The following TIMP4 variants were observed in gnomAD, a reference collection of about 807,000 sequenced individuals.
The protein encoded by TIMP4 is TIMP metallopeptidase inhibitor 4.
TIMP4 carries 28 observed loss-of-function variants against 27.3 expected under a neutral mutation model. The observed-to-expected ratio is 1.03, with a 90% CI of 0.76 to 1.41. The LOEUF (loss-of-function observed/expected upper bound fraction) is 1.41, where lower values mean the gene tolerates loss of function less well. Ranked by LOEUF, TIMP4 falls within the 40% of genes most tolerant of loss-of-function variation. The pLI, the probability that TIMP4 is intolerant of heterozygous loss-of-function variation, is 0.00. For missense variants in TIMP4, 307 were observed against 285.5 expected (o/e 1.08, Z -0.54); for synonymous variants, 138 against 115.5 (o/e 1.20, Z -1.25).
In TIMP4 at chr3:12,153,837, C is replaced by A. The variant is rs900471748; in HGVS notation, c.478-125G>T. The A allele has an allele frequency of 1.1e-5, 11 of 1,013,132 alleles. No individual in the cohort carries two copies. The African/African-American group carries it at 1.6e-4, about 15-fold the overall frequency. 62.8% of individuals were successfully genotyped at this position (1,013,132 alleles called of 1,614,324 possible). A position where few individuals can be genotyped will look rare whatever the true frequency, so the allele number is the denominator to read the frequency against. On this transcript the variant is annotated intron_variant, in intron 4 of 4. Transcript: ENST00000287814. ...GCCCCCTATCTTATCAAGCCTTTCC[C>A]AGTCCCCAGTCTTCTCCTGGATTCT...
Position 12,158,579 on chromosome 3 carries a change from C to T in TIMP4, c.139+123G>A, listed in dbSNP as rs185291935. ...GTCCTTCTCCACCCATCAGCCTCAG[C>T]AAGAGACAACCGGTAAGAATTTGAG... is the stretch of plus-strand genomic sequence containing the variant. On this transcript the variant is annotated intron_variant, in intron 1 of 4. Coordinates refer to ENST00000287814, the MANE Select transcript of TIMP4 (RefSeq NM_003256.4). The T allele has an allele frequency of 8.0e-4, 1,162 of 1,444,818 alleles. 2 individuals are homozygous for T. Among genetic ancestry groups the T allele is most frequent in the Non-Finnish European group, 1.0e-3 (1,097 of 1,070,248 alleles). The allele number at this position is 1,444,818 out of a possible 1,614,324, so 89.5% of individuals were successfully genotyped here. A position where few individuals can be genotyped will look rare whatever the true frequency, so the allele number is the denominator to read the frequency against.
rs774982084 is a variant in TIMP4, at chr3:12,157,380, T to G, written c.237+5A>C. ...GGCTACACATCCCAGCCTGCCCCCA[T>G]GTACCTTTATCTGTTTGATTTCATA... is the stretch of plus-strand genomic sequence containing the variant. On this transcript the variant is annotated splice_donor_5th_base_variant and intron_variant, in intron 2 of 4. Transcript: ENST00000287814. The G allele has an allele frequency of 6.2e-7, 1 of 1,614,006 alleles. No homozygotes were observed. The highest frequency in any genetic ancestry group is 1.3e-5 in the African/African-American group (1 of 75,064).
In TIMP4 at chr3:12,153,721, A is replaced by G; in HGVS notation, c.478-9T>C. 6.2e-7 allele frequency: 1 copy of G among 1,614,124 alleles called. No individual in the cohort carries two copies. On this transcript the variant is annotated splice_polypyrimidine_tract_variant and intron_variant, in intron 4 of 4. Coordinates refer to ENST00000287814, the MANE Select transcript of TIMP4 (RefSeq NM_003256.4). Reference sequence around the variant, plus strand: ...GTGTAGCAGGTGGTGATCTAGAGTCATGGCCACACAACATTAAAGTGAGTA... The same window carrying G: ...GTGTAGCAGGTGGTGATCTAGAGTCGTGGCCACACAACATTAAAGTGAGTA...
chr3:12,154,476 C>G, intron 3 of TIMP4, 25 bp from the exon 4 acceptor site: 1 of 1,612,934 alleles, frequency 6.2e-7, no homozygotes, highest in Non-Finnish European at 8.5e-7. Flanking sequence ...GGAGGAGAGT[C>G]AAGCATCAGG....
At chr3:12,156,521 T>C (rs145776915) in intron 3 of TIMP4, among the ~76,000 whole-genome samples, 20 of 152,330 alleles carry the variant, frequency 1.3e-4, no homozygotes, top group Non-Finnish European at 2.1e-4. Context: ...AAAAATCTTA[T>C]ACTAATTTAA....
chr3:12,157,055 G>A lies in TIMP4; in HGVS notation c.238-121C>T, dbSNP rs1415349865. 9 of 710,002 alleles carry A rather than the reference G, an allele frequency of 1.3e-5. No individual in the cohort carries two copies. The East Asian group carries it at 1.4e-4, about 11-fold the overall frequency. 44.0% of individuals were successfully genotyped at this position (710,002 alleles called of 1,614,324 possible). The stretch of plus-strand genomic sequence containing the variant: ...AAGCAAAAGTCTAGTTGAGGATTTT[G>A]TGTCCTCAGATGTCCCTACTGGGTT... On this transcript the variant is annotated intron_variant, in intron 2 of 4. Coordinates refer to ENST00000287814, the MANE Select transcript of TIMP4 (RefSeq NM_003256.4).
chr3:12,153,357 G>T lies in TIMP4; in HGVS notation c.*158C>A. ...GCTGAGGGCAGGGCAGAAAAGTCAT[G>T]GCCCCTTCCCTGCCTTGACAGTGGC... On this transcript the variant is annotated 3_prime_UTR_variant, in exon 5 of 5. Coordinates refer to ENST00000287814, the MANE Select transcript of TIMP4 (RefSeq NM_003256.4). 1 of 827,282 alleles carries T rather than the reference G, an allele frequency of 1.2e-6. No individual in the cohort carries two copies. The highest frequency in any genetic ancestry group is 2.0e-6 in the Non-Finnish European group (1 of 506,966). The allele number at this position is 827,282 out of a possible 1,614,324, so 51.2% of individuals were successfully genotyped here.
At chr3:12,158,384 C>G (rs1054545345) in intron 1 of TIMP4, among the ~76,000 whole-genome samples, 4 of 152,158 alleles carry the variant, frequency 2.6e-5, no homozygotes, top group Admixed American at 6.5e-5. Flanking sequence ...TGTCCCCAGT[C>G]TAGTAGTTCA....
chr3:12,158,819 C>G lies in TIMP4; in HGVS notation c.22G>C (p.Ala8Pro), dbSNP rs143705137. 1 of 1,595,254 alleles carries G rather than the reference C, an allele frequency of 6.3e-7. No individual in the cohort carries two copies. The highest frequency in any genetic ancestry group is 2.2e-5 in the East Asian group (1 of 44,614). ...CGCAGCAACAGCACCCAGCTTGGCG[C>G]GGGCCGAGGGCTCCCAGGCATGACA... MPGSPRPAPSWVLLLRLL... is the reference protein window; with the variant it reads MPGSPRPPPSWVLLLRLL... The change falls in exon 1 of 5, where the codon GCG becomes CCG. Residue 8 changes from alanine (A) to proline (P), a missense_variant. Physicochemically the swap from Ala to Pro is conservative, Grantham distance 27. Coordinates refer to ENST00000287814, the MANE Select transcript of TIMP4 (RefSeq NM_003256.4).
chr3:12,157,060 C>A (rs73015375), intron 2 of TIMP4, 126 bp from the exon 3 acceptor site: 6 of 677,362 alleles, frequency 8.9e-6, no homozygotes, highest in Non-Finnish European at 1.0e-5. Flanking sequence ...ATTTTGTGTC[C>A]TCAGATGTCC....
At chr3:12,157,719 C>T (rs371580859) in intron 1 of TIMP4, among the ~76,000 whole-genome samples, 1 of 152,160 alleles carries the variant, frequency 6.6e-6, no homozygotes, top group Non-Finnish European at 1.5e-5. Context: ...CTGTTTCTGC[C>T]TTTTGAACCA....
At position 12,157,456 on chromosome 3, in the gene TIMP4, TC is replaced by T; in HGVS notation, c.165del (p.Lys56ArgfsTer2). The T allele has an allele frequency of 6.2e-7, 1 of 1,614,136 alleles. No individual in the cohort carries two copies. Among genetic ancestry groups the T allele is most frequent in the Non-Finnish European group, 8.5e-7 (1 of 1,180,016 alleles). The part of the protein sequence containing the change: ...ALVIRAKISS[E>X]KVVPASADPA... Reference sequence around the variant, plus strand: ...GGGTCTGCACTGGCCGGAACTACCTTCTCACTGGAGATTTTGGCCCGAATCA... The same window carrying T: ...GGGTCTGCACTGGCCGGAACTACCTTTCACTGGAGATTTTGGCCCGAATCA... On this transcript the variant is annotated frameshift_variant, in exon 2 of 5. Coordinates refer to ENST00000287814, the MANE Select transcript of TIMP4 (RefSeq NM_003256.4). LOFTEE classifies it high-confidence loss of function.
chr3:12,153,416 C>A lies in TIMP4; in HGVS notation c.*99G>T, dbSNP rs890057543. On this transcript the variant is annotated 3_prime_UTR_variant, in exon 5 of 5. Coordinates refer to ENST00000287814, the MANE Select transcript of TIMP4 (RefSeq NM_003256.4). ...CCACTTGGCACTTCTTATTAGCTGGCAGCAAGAGGTCAGGTGGTAATGGCC... is the reference window on the plus strand; with the variant it reads ...CCACTTGGCACTTCTTATTAGCTGGAAGCAAGAGGTCAGGTGGTAATGGCC... 33 of 1,373,268 alleles carry A rather than the reference C, an allele frequency of 2.4e-5. No homozygotes were observed. Among genetic ancestry groups the A allele is most frequent in the Non-Finnish European group, 3.4e-5 (33 of 967,370 alleles). The allele number at this position is 1,373,268 out of a possible 1,614,324, so 85.1% of individuals were successfully genotyped here.
chr3:12,156,866 A>G lies in TIMP4; in HGVS notation c.306T>C (p.Cys102=), dbSNP rs771959850. ...GGCTGTTGGCTTCTAGTTTCACACC[A>G]CAGAGGGAAGAGTCAAAAGGCGTAT... is the stretch of plus-strand genomic sequence containing the variant. ...YIYTPFDSSL[C]GVKLEANSQK... is the part of the protein sequence containing the mutation. The change falls in exon 3 of 5, where the codon TGT becomes TGC. Residue 102 remains cysteine (C), a synonymous_variant. Transcript: ENST00000287814. 1.2e-6 allele frequency: 2 copies of G among 1,614,200 alleles called. No individual in the cohort carries two copies. Among genetic ancestry groups the G allele is most frequent in the Non-Finnish European group, 1.7e-6 (2 of 1,180,032 alleles).
At position 12,158,903 on chromosome 3, in the gene TIMP4, C is replaced by A. The variant is rs1361225171; in HGVS notation, c.-63G>T. ...GGGACTGGACGGCCCCAGCAGGGCTCCTTCCCAAGGCCGTTGTGCCCCTCG... is the reference window on the plus strand; with the variant it reads ...GGGACTGGACGGCCCCAGCAGGGCTACTTCCCAAGGCCGTTGTGCCCCTCG... On this transcript the variant is annotated 5_prime_UTR_variant, in exon 1 of 5. Transcript: ENST00000287814. 6.9e-7 allele frequency: 1 copy of A among 1,456,618 alleles called. No homozygotes were observed. The highest frequency in any genetic ancestry group is 1.4e-5 in the African/African-American group (1 of 70,246). 90.2% of individuals were successfully genotyped at this position (1,456,618 alleles called of 1,614,324 possible).
At chr3:12,157,316 T>G (rs1697486711) in intron 2 of TIMP4, 69 bp downstream of exon 2, 4 of 1,478,138 alleles carry the variant, frequency 2.7e-6, no homozygotes, top group African/African-American at 2.8e-5. Flanking sequence ...CTACCAGCCC[T>G]CCCAGAACAC....
chr3:12,154,813 GA>G (rs1235208896), intron 3 of TIMP4, among the ~76,000 whole-genome samples: 1 of 152,086 alleles, frequency 6.6e-6, no homozygotes, highest in African/African-American at 2.4e-5. Context: ...GCTGGAAGAT[GA>G]AAATTATAAA....
At chr3:12,154,527 G>T (rs1261507231) in intron 3 of TIMP4, 76 bp from the exon 4 acceptor site, 22 of 1,549,306 alleles carry the variant, frequency 1.4e-5, no homozygotes. Context: ...TCCTTGAAAA[G>T]CCCAGAATTG....
chr3:12,155,012 T>C (rs990074306), intron 3 of TIMP4, among the ~76,000 whole-genome samples: 4 of 152,056 alleles, frequency 2.6e-5, no homozygotes, highest in Non-Finnish European at 5.9e-5. Flanking sequence ...TTTTTACCTA[T>C]GAAGCTCCTT....
Sources: gnomAD v4.1 joint callset for allele counts (sites outside exome capture counted in the v4.1 genomes callset) on GRCh38, gnomAD v4.1.1 for gene constraint, MANE v1.5 for transcripts, NCBI Gene and HGNC (gene_info 2026-07-23, HGNC 2026-07-21) for gene names.